The following CUX1 variants were observed in gnomAD, a reference collection of about 807,000 sequenced individuals.
The protein encoded by CUX1 is cut like homeobox 1, also known as protein CASP.
In CUX1, 31 loss-of-function variants were observed where a neutral mutation model predicts 158.8. The observed-to-expected ratio is 0.20, with a 90% confidence interval of 0.15 to 0.26. The LOEUF (loss-of-function observed/expected upper bound fraction) is 0.26. Ranked by LOEUF, CUX1 falls within the 10% of genes least tolerant of loss-of-function variation. The pLI, the probability that CUX1 is intolerant of heterozygous loss-of-function variation, is 1.00. For missense variants in CUX1, 1,589 were observed against 2,014.6 expected (o/e 0.79, Z 4.04); for synonymous variants, 879 against 862.1 (o/e 1.02, Z -0.34).
intron 21 of CUX1, among the ~76,000 whole-genome samples, chr7:102,232,571 C>T (rs553224107): frequency 6.6e-6 from 1 of 152,318 alleles, no homozygotes; most frequent in South Asian, 2.1e-4. Context: ...GTCTCCACTT[C>T]CACCTAATAA....
At chr7:102,184,098 A>C (rs533937057) in intron 11 of CUX1, among the ~76,000 whole-genome samples, 1 of 151,922 alleles carries the variant, frequency 6.6e-6, no homozygotes, top group South Asian at 2.1e-4. Context: ...GGGTCTTGCT[A>C]TGTTGCCCAG....
At chr7:102,246,074 T>G (rs1398679643) in intron 23 of CUX1, among the ~76,000 whole-genome samples, 1 of 152,154 alleles carries the variant, frequency 6.6e-6, no homozygotes, top group Non-Finnish European at 1.5e-5. Context: ...AGTAAGCACC[T>G]TAGCCAGATA....
intron 8 of CUX1, among the ~76,000 whole-genome samples, chr7:102,120,240 CT>C (rs34091730): frequency 0.11 from 16,202 of 152,238 alleles, 1,035 homozygotes; most frequent in Middle Eastern, 0.18. Context: ...CCCATTTTTG[CT>C]GAAGTCCACG....
intron 23 of CUX1, among the ~76,000 whole-genome samples, chr7:102,239,839 T>C (rs1264871097): frequency 6.6e-6 from 1 of 152,052 alleles, no homozygotes; most frequent in Non-Finnish European, 1.5e-5. Flanking sequence ...CTCCGCCTCC[T>C]GGGTTTAAGC....
intron 8 of CUX1, among the ~76,000 whole-genome samples, chr7:102,150,394 G>A (rs1835508963): frequency 6.6e-6 from 1 of 152,194 alleles, no homozygotes; most frequent in African/African-American, 2.4e-5. Context: ...GGTCTCAAGT[G>A]ATCCACCTAC....
At chr7:102,180,084 C>A (rs1330693464) in intron 11 of CUX1, among the ~76,000 whole-genome samples, 1 of 152,100 alleles carries the variant, frequency 6.6e-6, no homozygotes, top group Non-Finnish European at 1.5e-5. Context: ...AATGCAATGG[C>A]GCAGTCTTGG....
In CUX1 at chr7:101,999,217, C is replaced by CTTTTTTT. The variant is rs3988167; in HGVS notation, c.142-28864_142-28858dup. Reference sequence around the variant, plus strand: ...CTTTCCTTTACAAACTTTTTTTTACCTTTTTTTTTTTTTTTTTTTTTTTAA... The same window carrying CTTTTTTT: ...CTTTCCTTTACAAACTTTTTTTTACCTTTTTTTTTTTTTTTTTTTTTTTTTTTTTTAA... On this transcript the variant is annotated intron_variant, in intron 2 of 23. Transcript: ENST00000292535. Among the ~76,000 whole-genome samples the CTTTTTTT allele has an allele frequency of 9.0e-4, 77 of 85,826 alleles. 2 individuals carry two copies. Among genetic ancestry groups the CTTTTTTT allele is most frequent in the East Asian group, 2.6e-3 (5 of 1,894 alleles). The allele number at this position is 85,826 out of a possible 152,430, so 56.3% of individuals were successfully genotyped here.
chr7:102,231,277 G>T (rs947316340), intron 21 of CUX1, among the ~76,000 whole-genome samples: 1 of 151,534 alleles, frequency 6.6e-6, no homozygotes, highest in African/African-American at 2.4e-5. Flanking sequence ...TGATCTGCCC[G>T]CCTCAACCTC....
intron 4 of CUX1, among the ~76,000 whole-genome samples, chr7:102,080,779 G>A (rs1827294749): frequency 6.6e-6 from 1 of 152,186 alleles, no homozygotes; most frequent in African/African-American, 2.4e-5. Context: ...CACCGAGGCT[G>A]TTGGGCTTTA....
At chr7:102,148,712 A>C (rs1361399361) in intron 8 of CUX1, among the ~76,000 whole-genome samples, 2 of 147,874 alleles carry the variant, frequency 1.4e-5, no homozygotes, top group Non-Finnish European at 3.0e-5. Flanking sequence ...TAATATATTA[A>C]TATATATATA....
chr7:102,219,851 G>A (rs947036232), intron 20 of CUX1, among the ~76,000 whole-genome samples: 1 of 152,204 alleles, frequency 6.6e-6, no homozygotes, highest in Non-Finnish European at 1.5e-5. Flanking sequence ...TTATATGGGC[G>A]ATGTCTAATG....
chr7:102,158,113 C>T (rs1221739480), intron 8 of CUX1, among the ~76,000 whole-genome samples: 2 of 152,028 alleles, frequency 1.3e-5, no homozygotes, highest in African/African-American at 2.4e-5. Flanking sequence ...CCCAGCTCCT[C>T]CTCTCACCCC....
At chr7:102,043,654 C>T (rs1177134319) in intron 3 of CUX1, among the ~76,000 whole-genome samples, 1 of 152,036 alleles carries the variant, frequency 6.6e-6, no homozygotes, top group Non-Finnish European at 1.5e-5. Flanking sequence ...AGTCTGTTTC[C>T]ATATCTTTCT....
intron 8 of CUX1, among the ~76,000 whole-genome samples, chr7:102,129,690 A>G (rs1554496549): frequency 2.0e-5 from 3 of 152,158 alleles, no homozygotes. Context: ...TCTCAAAGAA[A>G]AAATCAACAC....
At chr7:102,208,373 A>G (rs965603796) in intron 20 of CUX1, among the ~76,000 whole-genome samples, 21 of 152,238 alleles carry the variant, frequency 1.4e-4, no homozygotes, top group Admixed American at 1.0e-3. Flanking sequence ...CCTCCCAAGT[A>G]GCTGAAACTA....
At chr7:102,024,653 AT>A (rs1819777399) in intron 2 of CUX1, among the ~76,000 whole-genome samples, 1 of 151,888 alleles carries the variant, frequency 6.6e-6, no homozygotes, top group African/African-American at 2.4e-5. Context: ...TCATTCCCTC[AT>A]GCACCCTTTC....
intron 10 of CUX1, among the ~76,000 whole-genome samples, chr7:102,175,680 A>G (rs1792239065): frequency 6.7e-6 from 1 of 150,350 alleles, no homozygotes; most frequent in African/African-American, 2.4e-5. Flanking sequence ...AGGCCCACCC[A>G]TTCCCCCCTC....
At chr7:102,048,502 G>T (rs77001574) in intron 3 of CUX1, among the ~76,000 whole-genome samples, 3 of 152,022 alleles carry the variant, frequency 2.0e-5, no homozygotes, top group Non-Finnish European at 4.4e-5. Context: ...TCACACACAC[G>T]TAAGGGCACA....
At chr7:102,177,426 AAAAG>A (rs1358953459) in intron 10 of CUX1, among the ~76,000 whole-genome samples, 2 of 150,400 alleles carry the variant, frequency 1.3e-5, no homozygotes, top group African/African-American at 2.5e-5. Context: ...AAAAAAAAAA[AAAAG>A]AAAAGAAAAA....
Sources: allele counts gnomAD v4.1 joint callset (sites outside exome capture counted in the v4.1 genomes callset), GRCh38; gene constraint gnomAD v4.1.1; transcripts MANE v1.5; gene names NCBI Gene and HGNC (gene_info 2026-07-23, HGNC 2026-07-21).